The following ZNF90 variants were observed in gnomAD, a reference collection of about 807,000 sequenced individuals.
The protein encoded by ZNF90 is zinc finger protein 90.
ZNF90 carries 11 observed loss-of-function variants against 12.0 expected under a neutral mutation model. The observed-to-expected ratio is 0.92, with a 90% confidence interval of 0.58 to 1.52. ZNF90 has a LOEUF of 1.52. ZNF90 is among the 40% of genes most tolerant of loss of function. ZNF90 has a pLI of 0.00. For missense variants in ZNF90, 765 were observed against 711.5 expected (o/e 1.08, Z -0.86); for synonymous variants, 232 against 240.1 (o/e 0.97, Z 0.31).
chr19:20,100,535 G>A (rs903712852), intron 1 of ZNF90, among the ~76,000 whole-genome samples: 14 of 152,166 alleles, frequency 9.2e-5, no homozygotes, highest in African/African-American at 3.4e-4. Context: ...GGACTGGCCT[G>A]CTAGCCCATG....
intron 1 of ZNF90, among the ~76,000 whole-genome samples, chr19:20,085,069 T>A (rs573620538): frequency 1.3e-5 from 2 of 152,278 alleles, no homozygotes; most frequent in East Asian, 1.9e-4. Context: ...TTTAATTTTT[T>A]AATTTATCTT....
In ZNF90 at chr19:20,119,504, TAA is replaced by T; in HGVS notation, c.*146_*147del. On this transcript the variant is annotated 3_prime_UTR_variant, in exon 4 of 4. Transcript: ENST00000418063. ...ATATGAAACATAACTCCTACAAAAA[TAA>T]AGAATGTGACAAATCATTTTAAGGA... 1.4e-6 allele frequency: 1 copy of T among 733,396 alleles called. No individual in the cohort carries two copies. Among genetic ancestry groups the T allele is most frequent in the Non-Finnish European group, 2.2e-6 (1 of 457,752 alleles). The allele number at this position is 733,396 out of a possible 1,614,324, so 45.4% of individuals were successfully genotyped here.
At chr19:20,081,759 T>A (rs548830502) in intron 1 of ZNF90, among the ~76,000 whole-genome samples, 42 of 151,468 alleles carry the variant, frequency 2.8e-4, no homozygotes, top group Admixed American at 5.3e-4. Flanking sequence ...TTTTTCTTTC[T>A]TTCTTTCTTC....
At chr19:20,117,364 T>C (rs1033836061) in intron 3 of ZNF90, among the ~76,000 whole-genome samples, 2 of 151,492 alleles carry the variant, frequency 1.3e-5, no homozygotes, top group Admixed American at 6.6e-5. Context: ...GTTTCGTTTC[T>C]TTTCTTTTTT....
intron 1 of ZNF90, among the ~76,000 whole-genome samples, chr19:20,079,306 G>GT (rs34761787): frequency 0.013 from 1,755 of 135,896 alleles, 17 homozygotes; most frequent in African/African-American, 0.019. Flanking sequence ...CAAAAGGAGG[G>GT]TTTTTTTTTT....
intron 3 of ZNF90, among the ~76,000 whole-genome samples, chr19:20,117,198 A>G (rs2089145635): frequency 6.6e-6 from 1 of 151,818 alleles, no homozygotes; most frequent in Admixed American, 6.6e-5. Context: ...ACCTGTTACC[A>G]TGCCTGGCTA....
chr19:20,107,032 A>C (rs2089045507), intron 3 of ZNF90: 1 of 454,236 alleles, frequency 2.2e-6, no homozygotes, highest in East Asian at 7.0e-5. Context: ...TGGGCCTTGT[A>C]TCAGGATGTG....
chr19:20,098,590 C>T (rs541531637), intron 1 of ZNF90, among the ~76,000 whole-genome samples: 5 of 152,306 alleles, frequency 3.3e-5, no homozygotes, highest in African/African-American at 1.2e-4. Flanking sequence ...CAAATCAGGA[C>T]AGGAGATCCA....
chr19:20,085,108 T>C (rs1443207960), intron 1 of ZNF90, among the ~76,000 whole-genome samples: 2 of 152,174 alleles, frequency 1.3e-5, no homozygotes, highest in Admixed American at 6.5e-5. Context: ...CAAAATGAAA[T>C]GAAAGGGTCC....
intron 1 of ZNF90, among the ~76,000 whole-genome samples, chr19:20,083,156 G>T (rs1329283198): frequency 1.4e-5 from 2 of 147,326 alleles, no homozygotes; most frequent in East Asian, 3.9e-4. Context: ...GACTGGTGCC[G>T]GTGCCGGTCC....
chr19:20,084,381 A>G (rs145128592), intron 1 of ZNF90, among the ~76,000 whole-genome samples: 1,761 of 152,248 alleles, frequency 0.012, 17 homozygotes, highest in South Asian at 0.033. Flanking sequence ...TTCTTTATCC[A>G]GTCTACCATT....
chr19:20,105,832 A>G (rs1173382739), intron 3 of ZNF90, among the ~76,000 whole-genome samples: 1 of 152,074 alleles, frequency 6.6e-6, no homozygotes, highest in Non-Finnish European at 1.5e-5. Context: ...TTTTGTCAAG[A>G]TTGCTTTGGC....
In ZNF90 at chr19:20,098,659, C is replaced by T. The variant is rs575021215; in HGVS notation, c.4-5580C>T. 1.5e-3 allele frequency among the ~76,000 whole-genome samples: 228 copies of T among 152,360 alleles called. 1 individual carries two copies. Among genetic ancestry groups the T allele is most frequent in the African/African-American group, 5.0e-3 (208 of 41,578 alleles). ...CTATTCAGAATCAGCCTCAGTTCCT[C>T]CAGCCTGGCTTATCATTGGGCCATG... On this transcript the variant is annotated intron_variant, in intron 1 of 3. Coordinates refer to ENST00000418063, the MANE Select transcript of ZNF90 (RefSeq NM_007138.2).
intron 1 of ZNF90, among the ~76,000 whole-genome samples, chr19:20,087,752 C>T (rs1266715443): frequency 1.3e-5 from 2 of 152,176 alleles, no homozygotes; most frequent in Admixed American, 1.3e-4. Flanking sequence ...TTTTGATCAC[C>T]TGGGTGCAGT....
Position 20,119,039 on chromosome 19 carries a change from C to G in ZNF90, c.1485C>G (p.Ala495=), listed in dbSNP as rs188744674. The G allele has an allele frequency of 6.2e-7, 1 of 1,607,906 alleles. No individual in the cohort carries two copies. Among genetic ancestry groups the G allele is most frequent in the African/African-American group, 1.3e-5 (1 of 74,570 alleles). The change falls in exon 4 of 4, where the codon GCC becomes GCG. Residue 495 remains alanine (A), a synonymous_variant. Coordinates refer to ENST00000418063, the MANE Select transcript of ZNF90 (RefSeq NM_007138.2). ...ACAAAGCCTTCAAGTACTCCTCAGC[C>G]CTTAGCACACATAAGATAATTCACA... ...ECDKAFKYSS[A]LSTHKIIHSG...
intron 1 of ZNF90, among the ~76,000 whole-genome samples, chr19:20,084,088 G>T (rs548861084): frequency 6.7e-6 from 1 of 150,048 alleles, no homozygotes; most frequent in South Asian, 2.1e-4. Context: ...TTTTGAGACG[G>T]AGTCTCCCAG....
intron 1 of ZNF90, among the ~76,000 whole-genome samples, chr19:20,093,980 C>G (rs1431290526): frequency 2.0e-5 from 3 of 152,200 alleles, no homozygotes; most frequent in African/African-American, 7.2e-5. Flanking sequence ...GTGAGCTGGG[C>G]AGTCTGATTT....
At chr19:20,081,652 GA>G (rs1208653370) in intron 1 of ZNF90, among the ~76,000 whole-genome samples, 1 of 152,184 alleles carries the variant, frequency 6.6e-6, no homozygotes, top group Non-Finnish European at 1.5e-5. Flanking sequence ...CATGCATACA[GA>G]AATAAATCAG....
In ZNF90 at chr19:20,118,030, A is replaced by G. The variant is rs1319276777; in HGVS notation, c.476A>G (p.Asn159Ser). ...GTGAAAGTCTCTCATATATTTTCAA[A>G]TTCAAACAGACATAAGATAAGAGAT... ...TYVKVSHIFS[N>S]SNRHKIRDTG... Residue 159 changes from asparagine to serine, a missense_variant, in exon 4 of 4, where the codon AAT becomes AGT. Physicochemically the swap from Asn to Ser is conservative, Grantham distance 46 (BLOSUM62 1). Coordinates refer to ENST00000418063, the MANE Select transcript of ZNF90 (RefSeq NM_007138.2). 1.1e-5 allele frequency: 18 copies of G among 1,611,836 alleles called. No homozygotes were observed. Among genetic ancestry groups the G allele is most frequent in the Admixed American group, 1.7e-5 (1 of 59,432 alleles).
Sources: allele counts gnomAD v4.1 joint callset (sites outside exome capture counted in the v4.1 genomes callset), GRCh38; gene constraint gnomAD v4.1.1; transcripts MANE v1.5; gene names NCBI Gene and HGNC (gene_info 2026-07-23, HGNC 2026-07-21).